Variants in METTL15 observed in about 807,000 individuals in gnomAD.
METTL15 encodes the protein 12S rRNA N(4)-cytidine methyltransferase METTL15.
METTL15 carries 34 observed loss-of-function variants against 38.3 expected under a neutral mutation model. That is an observed-to-expected ratio of 0.89 (90% CI 0.68 to 1.18). The LOEUF is 1.18. METTL15 is among the 50% of genes most tolerant of loss of function. The pLI is 0.00. For synonymous variants in METTL15, 162 were observed against 170.9 expected (o/e 0.95, Z 0.41); for missense variants, 438 against 498.4 (o/e 0.88, Z 1.15).
chr11:28,380,282 C>T (rs1212363901), intron 5 of METTL15, among the ~76,000 whole-genome samples: 2 of 151,712 alleles, frequency 1.3e-5, no homozygotes, highest in African/African-American at 4.8e-5. Context: ...ATTCTCCTGC[C>T]TCAGCCTCCT....
At chr11:28,416,244 C>T (rs1040724684) in intron 5 of METTL15, among the ~76,000 whole-genome samples, 2 of 152,296 alleles carry the variant, frequency 1.3e-5, no homozygotes, top group Admixed American at 1.3e-4. Flanking sequence ...CTATAGCCCA[C>T]GTGTTCAAGC....
At chr11:28,393,605 C>T (rs1419360327) in intron 5 of METTL15, among the ~76,000 whole-genome samples, 1 of 152,042 alleles carries the variant, frequency 6.6e-6, no homozygotes, top group African/African-American at 2.4e-5. Context: ...CTACCTGGGC[C>T]TACACACAGG....
At chr11:28,362,039 A>T (rs1850144047) in intron 5 of METTL15, 1 of 152,202 alleles carries the variant, frequency 6.6e-6, no homozygotes, top group Non-Finnish European at 1.5e-5. Flanking sequence ...AAATGGAGGT[A>T]GCATTTTCAT....
At chr11:28,251,788 A>G (rs1464283725) in intron 4 of METTL15, among the ~76,000 whole-genome samples, 1 of 152,036 alleles carries the variant, frequency 6.6e-6, no homozygotes, top group African/African-American at 2.4e-5. Context: ...TCCCTTAAAA[A>G]AATAAGTGCA....
At chr11:28,376,551 A>G (rs200991639) in intron 5 of METTL15, among the ~76,000 whole-genome samples, 2 of 152,036 alleles carry the variant, frequency 1.3e-5, no homozygotes, top group African/African-American at 4.8e-5. Context: ...TTTTGAGCCT[A>G]TGTGTGTCTC....
intron 6 of METTL15, among the ~76,000 whole-genome samples, chr11:28,469,760 T>C (rs1364644598): frequency 6.6e-6 from 1 of 152,100 alleles, no homozygotes; most frequent in African/African-American, 2.4e-5. Context: ...ATGATGTGCA[T>C]TGATACACAC....
chr11:28,501,668 A>G (rs1425442350), intron 6 of METTL15, among the ~76,000 whole-genome samples: 1 of 152,192 alleles, frequency 6.6e-6, no homozygotes, highest in Admixed American at 6.5e-5. Context: ...CCAGCTGCAA[A>G]CTTCAGCCTG....
Position 28,378,397 on chromosome 11 carries a change from G to A in METTL15, c.*358+16361G>A, listed in dbSNP as rs375322618. On this transcript the variant is annotated intron_variant and NMD_transcript_variant, in intron 5 of 7. Coordinates refer to the METTL15 transcript ENST00000532947. ...AGCCTGTCGGAAAAGCGCAGTATTC[G>A]GGTGGGAGTGAACCGATTTTCCAGG... is the stretch of plus-strand genomic sequence containing the variant. Among the ~76,000 whole-genome samples, 3 of 152,334 alleles carry A rather than the reference G, an allele frequency of 2.0e-5. No individual in the cohort carries two copies. In the South Asian group the frequency reaches 6.2e-4, roughly 32 times the overall value.
chr11:28,397,381 C>A lies in METTL15; in HGVS notation c.*359-26918C>A, dbSNP rs539484393. On this transcript the variant is annotated intron_variant and NMD_transcript_variant, in intron 5 of 7. Coordinates refer to the METTL15 transcript ENST00000532947. ...AATATCCAGAATCTACAATGAACTC[C>A]AACAAATTTACAAGAAAAAAACAAA... Among the ~76,000 whole-genome samples, 100 of 151,834 alleles carry A rather than the reference C, an allele frequency of 6.6e-4. No individual in the cohort carries two copies. In the South Asian group the frequency reaches 0.014, roughly 21 times the overall value.
At chr11:28,406,948 G>A (rs377380286) in intron 5 of METTL15, among the ~76,000 whole-genome samples, 5 of 152,230 alleles carry the variant, frequency 3.3e-5, no homozygotes, top group African/African-American at 1.2e-4. Flanking sequence ...ATAATCAGGT[G>A]GCTTTTGTCT....
intron 5 of METTL15, among the ~76,000 whole-genome samples, chr11:28,364,883 T>G (rs1247505410): frequency 6.6e-6 from 1 of 152,202 alleles, no homozygotes; most frequent in East Asian, 1.9e-4. Context: ...GTTTTGATCA[T>G]GAAGGAAAGC....
At chr11:28,482,967 C>A (rs1317875674) in intron 6 of METTL15, among the ~76,000 whole-genome samples, 1 of 152,100 alleles carries the variant, frequency 6.6e-6, no homozygotes, top group Non-Finnish European at 1.5e-5. Context: ...CTGTGGGACA[C>A]AATCCGGATC....
intron 4 of METTL15, among the ~76,000 whole-genome samples, chr11:28,233,947 C>T (rs1417104060): frequency 7.1e-6 from 1 of 141,626 alleles, no homozygotes; most frequent in African/African-American, 2.6e-5. Flanking sequence ...AATGCTATCC[C>T]TCCCCCCTCC....
intron 6 of METTL15, among the ~76,000 whole-genome samples, chr11:28,516,268 G>A (rs1851718571): frequency 6.6e-6 from 1 of 152,146 alleles, no homozygotes; most frequent in South Asian, 2.1e-4. Flanking sequence ...GCTATTACCA[G>A]GTGGGTGGTG....
intron 4 of METTL15, among the ~76,000 whole-genome samples, chr11:28,248,825 G>A (rs1362604117): frequency 6.6e-6 from 1 of 151,424 alleles, no homozygotes; most frequent in Admixed American, 6.6e-5. Context: ...GAAAAAAAAA[G>A]CATCACTAAG....
chr11:28,196,776 C>T (rs1851925217), intron 3 of METTL15, among the ~76,000 whole-genome samples: 1 of 151,628 alleles, frequency 6.6e-6, no homozygotes, highest in African/African-American at 2.4e-5. Flanking sequence ...AGTCAACTGG[C>T]CACTTTGAAA....
intron 3 of METTL15, among the ~76,000 whole-genome samples, chr11:28,148,343 G>C (rs1334000642): frequency 6.6e-6 from 1 of 151,768 alleles, no homozygotes; most frequent in Non-Finnish European, 1.5e-5. Context: ...TTGCTTCAAA[G>C]GTACAACATT....
intron 4 of METTL15, among the ~76,000 whole-genome samples, chr11:28,216,882 G>T (rs1390665869): frequency 7.9e-6 from 1 of 127,222 alleles, no homozygotes; most frequent in Non-Finnish European, 1.8e-5. Context: ...CCCTACAAAG[G>T]ACATGAACTC....
intron 3 of METTL15, among the ~76,000 whole-genome samples, chr11:28,208,754 A>G (rs1032438306): frequency 6.6e-6 from 1 of 151,044 alleles, no homozygotes; most frequent in Non-Finnish European, 1.5e-5. Context: ...TTTATTTGCA[A>G]CTCCTACAGA....
Sources: allele counts gnomAD v4.1 joint callset (sites outside exome capture counted in the v4.1 genomes callset), GRCh38; gene constraint gnomAD v4.1.1; transcripts MANE v1.5; gene names NCBI Gene and HGNC (gene_info 2026-07-23, HGNC 2026-07-21).